Variants in ATPSCKMT observed in about 807,000 individuals in gnomAD.
ATPSCKMT encodes ATP synthase c subunit lysine N-methyltransferase.
Under a neutral mutation model 24.3 loss-of-function variants are expected in ATPSCKMT, and 24 were observed. That is an observed-to-expected ratio of 0.99 (90% CI 0.71 to 1.39). The LOEUF (loss-of-function observed/expected upper bound fraction) is 1.39, where lower values mean the gene tolerates loss of function less well. ATPSCKMT is among the 40% of genes most tolerant of loss of function. The probability of loss-of-function intolerance (pLI) is 0.00; values close to 1 mark genes in which losing one functional copy is unlikely to be tolerated. For synonymous variants in ATPSCKMT, 95 were observed against 110.5 expected (o/e 0.86, Z 0.88); for missense variants, 311 against 298.4 (o/e 1.04, Z -0.31).
chr5:10,240,070 CAAA>C (rs35083577), intron 1 of ATPSCKMT, among the ~76,000 whole-genome samples: 62 of 141,626 alleles, frequency 4.4e-4, no homozygotes, highest in South Asian at 1.3e-3. Flanking sequence ...ACTAAAAATA[CAAA>C]AAAAAAAAAA....
chr5:10,245,465 G>A (rs948340374), intron 1 of ATPSCKMT, among the ~76,000 whole-genome samples: 1 of 151,934 alleles, frequency 6.6e-6, no homozygotes, highest in Non-Finnish European at 1.5e-5. Context: ...TTCAAAATTG[G>A]CCAGCCACAG....
At chr5:10,231,889 AATG>A (rs1427359167) in intron 4 of ATPSCKMT, among the ~76,000 whole-genome samples, 1 of 152,226 alleles carries the variant, frequency 6.6e-6, no homozygotes, top group Non-Finnish European at 1.5e-5. Context: ...ACTAGAACAT[AATG>A]ATAATATTTT....
At chr5:10,231,960 T>C (rs1744157212) in intron 4 of ATPSCKMT, among the ~76,000 whole-genome samples, 1 of 152,224 alleles carries the variant, frequency 6.6e-6, no homozygotes, top group Non-Finnish European at 1.5e-5. Context: ...CCCAACACTT[T>C]GGGAGTCTGC....
chr5:10,240,521 TG>T (rs1744589858), intron 1 of ATPSCKMT, among the ~76,000 whole-genome samples: 1 of 152,146 alleles, frequency 6.6e-6, no homozygotes, highest in African/African-American at 2.4e-5. Context: ...TCACTAATGA[TG>T]GGACCCTGAA....
chr5:10,232,653 G>A (rs1022777086), intron 4 of ATPSCKMT, among the ~76,000 whole-genome samples: 11 of 152,242 alleles, frequency 7.2e-5, no homozygotes, highest in Non-Finnish European at 1.5e-5. Context: ...CAGTCAGAAG[G>A]AAGGAAACAC....
rs949978924 is a variant in ATPSCKMT, at chr5:10,227,631, T to C, written c.512A>G (p.Lys171Arg). The C allele has an allele frequency of 6.2e-7, 1 of 1,614,214 alleles. No homozygotes were observed. The highest frequency in any genetic ancestry group is 1.1e-5 in the South Asian group (1 of 91,084). ...ATCCTCAAGTTCACGTTCAAGTTTC[T>C]TCTCCAACTGCAGCATCTGTGGAGA... Reference protein sequence around the residue: ...GVPQMMLQLEKKLERELEDDA... With the variant: ...GVPQMMLQLERKLERELEDDA... The change falls in exon 5 of 5, where the codon AAG becomes AGG. Residue 171 changes from lysine to arginine, a missense_variant. Physicochemically the swap from Lys to Arg is conservative, Grantham distance 26. Coordinates refer to ENST00000511437, the MANE Select transcript of ATPSCKMT (RefSeq NM_199133.4).
At chr5:10,232,175 G>C (rs900385961) in intron 4 of ATPSCKMT, among the ~76,000 whole-genome samples, 8 of 152,104 alleles carry the variant, frequency 5.3e-5, no homozygotes, top group Non-Finnish European at 8.8e-5. Flanking sequence ...CTGCACTGCA[G>C]TCTGGGCAAC....
At position 10,234,794 on chromosome 5, in the gene ATPSCKMT, A is replaced by G. The variant is rs768540713; in HGVS notation, c.495+417T>C. 4.2e-4 allele frequency among the ~76,000 whole-genome samples: 64 copies of G among 152,262 alleles called. 1 individual carries two copies. The highest frequency in any genetic ancestry group is 8.2e-4 in the Non-Finnish European group (56 of 68,050). On this transcript the variant is annotated intron_variant, in intron 4 of 4. Coordinates refer to ENST00000511437, the MANE Select transcript of ATPSCKMT (RefSeq NM_199133.4). ...AACTGAGGTAAACTGAAACTACTCA[A>G]TGCTCATCCACCCAGAAAATTATCT...
At chr5:10,233,002 T>C (rs1744220393) in intron 4 of ATPSCKMT, among the ~76,000 whole-genome samples, 2 of 152,206 alleles carry the variant, frequency 1.3e-5, no homozygotes, top group Admixed American at 6.5e-5. Context: ...GATAGATACA[T>C]ACTTGTGTGG....
intron 1 of ATPSCKMT, among the ~76,000 whole-genome samples, chr5:10,240,198 C>A (rs1226066372): frequency 2.0e-5 from 3 of 150,660 alleles, no homozygotes; most frequent in African/African-American, 4.9e-5. Context: ...CGCACCACTG[C>A]ACTCCAGCCG....
rs1743842658 is a variant in ATPSCKMT, at chr5:10,225,577, A to G, written c.*1864T>C. ...TGGAATATCTTACGTGAATGGTAGT[A>G]GGCAAAAAGAGCTTGTGCAGGAAAA... On this transcript the variant is annotated 3_prime_UTR_variant, in exon 5 of 5. Transcript: ENST00000511437. Among the ~76,000 whole-genome samples, 1 of 152,192 alleles carries G rather than the reference A, an allele frequency of 6.6e-6. No homozygotes were observed. Among genetic ancestry groups the G allele is most frequent in the African/African-American group, 2.4e-5 (1 of 41,436 alleles).
At chr5:10,241,400 A>G (rs1002846222) in intron 1 of ATPSCKMT, among the ~76,000 whole-genome samples, 1 of 152,210 alleles carries the variant, frequency 6.6e-6, no homozygotes, top group Non-Finnish European at 1.5e-5. Flanking sequence ...ATTCTAGTGC[A>G]GTACAAATTT....
chr5:10,229,694 AC>A (rs1457350804), intron 4 of ATPSCKMT, among the ~76,000 whole-genome samples: 2 of 152,238 alleles, frequency 1.3e-5, no homozygotes, highest in Non-Finnish European at 2.9e-5. Context: ...ACCGTAAGGA[AC>A]AGCTTTCCCC....
chr5:10,249,106 T>C (rs1193706274), intron 1 of ATPSCKMT, among the ~76,000 whole-genome samples: 2 of 151,922 alleles, frequency 1.3e-5, no homozygotes, highest in African/African-American at 4.8e-5. Context: ...CCGTCTCTAC[T>C]AAAAATACAA....
intron 4 of ATPSCKMT, 80 bp from the exon 5 acceptor site, chr5:10,227,727 C>A: frequency 7.7e-7 from 1 of 1,298,856 alleles, no homozygotes; most frequent in Non-Finnish European, 1.1e-6. Context: ...TTTAAGAGTC[C>A]CTGAAAATAC....
chr5:10,227,448 T>C lies in ATPSCKMT; in HGVS notation c.695A>G (p.Gln232Arg). 2 of 1,614,074 alleles carry C rather than the reference T, an allele frequency of 1.2e-6. No homozygotes were observed. The highest frequency in any genetic ancestry group is 1.7e-6 in the Non-Finnish European group (2 of 1,180,038). ...CTSMHFQLPI[Q>R]A is the part of the protein sequence containing the mutation. ...AAACACTCCCAGTCAAGTTTATGCT[T>C]GAATGGGCAGCTGGAAATGCATCGA... The change falls in exon 5 of 5, where the codon CAA becomes CGA. Residue 232 changes from glutamine to arginine, a missense_variant. Transcript: ENST00000511437.
intron 3 of ATPSCKMT, 93 bp downstream of exon 3, chr5:10,236,385 C>T: frequency 7.2e-7 from 1 of 1,387,756 alleles, no homozygotes; most frequent in Non-Finnish European, 9.7e-7. Context: ...AATTATTTTT[C>T]TTTTAATACA....
intron 4 of ATPSCKMT, among the ~76,000 whole-genome samples, chr5:10,233,754 C>T (rs1442187895): frequency 6.6e-6 from 1 of 152,112 alleles, no homozygotes; most frequent in African/African-American, 2.4e-5. Flanking sequence ...CCAGTAAATG[C>T]TAACATTCTA....
At chr5:10,240,708 A>G (rs1279746618) in intron 1 of ATPSCKMT, among the ~76,000 whole-genome samples, 3 of 152,124 alleles carry the variant, frequency 2.0e-5, no homozygotes, top group African/African-American at 7.2e-5. Context: ...AAATAACACC[A>G]TTTATGGCCA....
Sources: gnomAD v4.1 joint callset for allele counts (sites outside exome capture counted in the v4.1 genomes callset) on GRCh38, gnomAD v4.1.1 for gene constraint, MANE v1.5 for transcripts, NCBI Gene and HGNC (gene_info 2026-07-23, HGNC 2026-07-21) for gene names.